The following MMS22L variants were observed in gnomAD, a reference collection of about 807,000 sequenced individuals.
The protein encoded by MMS22L is protein MMS22-like.
A neutral mutation model predicts 159.1 loss-of-function variants in MMS22L; 74 were observed. The ratio of observed to expected loss-of-function variants is 0.47; its 90% CI spans 0.39 to 0.56. MMS22L has a LOEUF of 0.56. MMS22L is among the 20% of genes least tolerant of loss of function. The pLI, the probability that MMS22L is intolerant of heterozygous loss-of-function variation, is 0.00. For missense variants in MMS22L, 1,351 were observed against 1,422.1 expected, an observed-to-expected ratio of 0.95 and a Z score of 0.80; for synonymous variants, 517 against 506.9, an observed-to-expected ratio of 1.02 and a Z score of -0.27.
At chr6:97,161,530 A>G (rs1802435603) in intron 22 of MMS22L, among the ~76,000 whole-genome samples, 1 of 151,978 alleles carries the variant, frequency 6.6e-6, no homozygotes, top group Non-Finnish European at 1.5e-5. Context: ...TAAAGCAATC[A>G]CTGGAAGTAA....
intron 22 of MMS22L, among the ~76,000 whole-genome samples, chr6:97,160,025 GT>G (rs1346646095): frequency 2.6e-5 from 3 of 114,492 alleles, no homozygotes; most frequent in Admixed American, 1.2e-4. Flanking sequence ...GCCTAATACT[GT>G]TTTCTCTCAC....
chr6:97,169,724 A>G (rs1191409150), intron 19 of MMS22L, among the ~76,000 whole-genome samples: 1 of 152,192 alleles, frequency 6.6e-6, no homozygotes, highest in Non-Finnish European at 1.5e-5. Context: ...TCAGTATGAC[A>G]GCAATATTAG....
At chr6:97,226,459 T>C (rs1810256766) in intron 14 of MMS22L, among the ~76,000 whole-genome samples, 1 of 151,988 alleles carries the variant, frequency 6.6e-6, no homozygotes, top group Non-Finnish European at 1.5e-5. Flanking sequence ...CTGTGCGTGG[T>C]AGTGTGTGCC....
chr6:97,229,539 G>A (rs1810632171), intron 13 of MMS22L, 136 bp from the exon 14 acceptor site: 1 of 660,942 alleles, frequency 1.5e-6, no homozygotes, highest in Non-Finnish European at 2.4e-6. Context: ...ATGCTGCCTT[G>A]TCACTTTTTT....
chr6:97,151,868 C>T lies in MMS22L; in HGVS notation c.3386-1G>A. On this transcript the variant is annotated splice_acceptor_variant, in intron 22 of 24. Coordinates refer to ENST00000683635, the MANE Select transcript of MMS22L (RefSeq NM_001350599.2). LOFTEE classifies it high-confidence loss of function. ...AGGTTCTCTGTGGCCAGCCTTTTAA[C>T]TAGAAGGAAAAATTACAGCATTAGG... The T allele has an allele frequency of 6.2e-7, 1 of 1,612,904 alleles. No homozygotes were observed. Among genetic ancestry groups the T allele is most frequent in the Non-Finnish European group, 8.5e-7 (1 of 1,179,146 alleles).
intron 11 of MMS22L, among the ~76,000 whole-genome samples, chr6:97,240,367 C>T (rs1811921454): frequency 6.6e-6 from 1 of 152,172 alleles, no homozygotes; most frequent in Non-Finnish European, 1.5e-5. Context: ...GAGCATGTTT[C>T]TTAGATTAGT....
At chr6:97,281,119 G>A (rs918003070) in intron 3 of MMS22L, 118 bp downstream of exon 3, 2 of 966,398 alleles carry the variant, frequency 2.1e-6, no homozygotes, top group Non-Finnish European at 3.0e-6. Flanking sequence ...ATAATCAAGT[G>A]AGCAACCAGC....
At chr6:97,246,822 T>G in intron 10 of MMS22L, 132 bp from the exon 11 acceptor site, 1 of 596,288 alleles carries the variant, frequency 1.7e-6, no homozygotes, top group Non-Finnish European at 2.9e-6. Flanking sequence ...TTCTTGAATT[T>G]CTAATATTCC....
Position 97,254,717 on chromosome 6 carries a change from A to C in MMS22L, c.959T>G (p.Leu320Trp), listed in dbSNP as rs745511741. The change falls in exon 10 of 25, where the codon TTG (leucine) becomes TGG (tryptophan). Residue 320 changes from leucine (L) to tryptophan (W), a missense_variant. By Grantham distance (61) the Leu-to-Trp change is moderately conservative. Transcript: ENST00000683635. ...AAGCAGTGTTTTAAGTAGTTTATTC[A>C]ACCAGTTCCAAAATGACTATAGAAA... The part of the protein sequence containing the change: ...WFVSESFWNW[L>W]NKLLKTLLEK... 6.2e-7 allele frequency: 1 copy of C among 1,601,382 alleles called. No individual in the cohort carries two copies. Among genetic ancestry groups the C allele is most frequent in the Non-Finnish European group, 8.5e-7 (1 of 1,175,932 alleles).
At chr6:97,147,844 G>A (rs1184988464) in intron 24 of MMS22L, among the ~76,000 whole-genome samples, 1 of 151,904 alleles carries the variant, frequency 6.6e-6, no homozygotes, top group Non-Finnish European at 1.5e-5. Context: ...AAATGGCATT[G>A]AAAAAATGGA....
intron 4 of MMS22L, among the ~76,000 whole-genome samples, chr6:97,276,646 A>C (rs1816268915): frequency 6.6e-6 from 1 of 152,220 alleles, no homozygotes; most frequent in South Asian, 2.1e-4. Flanking sequence ...ATGTTTTTAC[A>C]CACATCACGT....
chr6:97,188,485 T>C (rs1159541665), intron 14 of MMS22L, among the ~76,000 whole-genome samples: 2 of 152,164 alleles, frequency 1.3e-5, no homozygotes, highest in African/African-American at 4.8e-5. Context: ...TAATCCTCTT[T>C]ATAGATGACG....
chr6:97,173,509 T>A (rs1391419402), intron 18 of MMS22L, among the ~76,000 whole-genome samples: 2 of 151,838 alleles, frequency 1.3e-5, no homozygotes, highest in Non-Finnish European at 1.5e-5. Flanking sequence ...GAAAAAAAAA[T>A]GTGAAACTTA....
intron 11 of MMS22L, among the ~76,000 whole-genome samples, chr6:97,236,580 T>C (rs537330559): frequency 6.6e-6 from 1 of 152,184 alleles, no homozygotes; most frequent in Non-Finnish European, 1.5e-5. Flanking sequence ...ATGTTTCTTA[T>C]GGAGTAATGC....
intron 24 of MMS22L, among the ~76,000 whole-genome samples, chr6:97,147,926 A>G (rs925693902): frequency 6.6e-6 from 1 of 152,212 alleles, no homozygotes; most frequent in African/African-American, 2.4e-5. Flanking sequence ...TTGTTTAATA[A>G]AAAATTTTTG....
At chr6:97,203,546 G>A (rs1807413717) in intron 14 of MMS22L, among the ~76,000 whole-genome samples, 3 of 152,210 alleles carry the variant, frequency 2.0e-5, no homozygotes, top group African/African-American at 7.2e-5. Context: ...CAGATAAGCT[G>A]CAGAACCAGC....
chr6:97,186,089 A>T (rs1805194462), intron 15 of MMS22L, among the ~76,000 whole-genome samples: 1 of 152,064 alleles, frequency 6.6e-6, no homozygotes, highest in Non-Finnish European at 1.5e-5. Flanking sequence ...TGTCATTCTG[A>T]TCTCATCTTC....
chr6:97,214,221 C>T (rs1808716325), intron 14 of MMS22L, among the ~76,000 whole-genome samples: 1 of 152,156 alleles, frequency 6.6e-6, no homozygotes, highest in Non-Finnish European at 1.5e-5. Flanking sequence ...CCCAAGAGCC[C>T]TGCCAAGACA....
At chr6:97,223,836 T>G (rs1809921984) in intron 14 of MMS22L, among the ~76,000 whole-genome samples, 1 of 152,168 alleles carries the variant, frequency 6.6e-6, no homozygotes, top group South Asian at 2.1e-4. Flanking sequence ...TTACATACAG[T>G]AATCTGTTTG....
Sources: gnomAD v4.1 joint callset for allele counts (sites outside exome capture counted in the v4.1 genomes callset) on GRCh38, gnomAD v4.1.1 for gene constraint, MANE v1.5 for transcripts, NCBI Gene and HGNC (gene_info 2026-07-23, HGNC 2026-07-21) for gene names.